Variants in DDX60 observed in about 807,000 individuals in gnomAD.
DDX60 encodes probable ATP-dependent RNA helicase DDX60.
In DDX60, 165 loss-of-function variants were observed where a neutral mutation model predicts 212.8. That is an observed-to-expected ratio of 0.78 (90% CI 0.68 to 0.88). The LOEUF is 0.88. DDX60 is among the 40% of genes least tolerant of loss of function. The pLI is 0.00. For synonymous variants in DDX60, 703 were observed against 685.3 expected (o/e 1.03, Z -0.40); for missense variants, 1,905 against 2,003.9 (o/e 0.95, Z 0.94).
intron 33 of DDX60, among the ~76,000 whole-genome samples, chr4:168,233,339 C>T (rs1733520884): frequency 6.6e-6 from 1 of 152,044 alleles, no homozygotes; most frequent in South Asian, 2.1e-4. Context: ...ACCATTTGAT[C>T]CAGCAATCCC....
upstream of DDX60, among the ~76,000 whole-genome samples, chr4:168,322,878 A>C (rs1737634181): frequency 1.3e-5 from 2 of 152,218 alleles, no homozygotes; most frequent in Non-Finnish European, 2.9e-5. Context: ...GCAATTACCA[A>C]AGGATGGGGG....
At chr4:168,252,440 A>G in intron 27 of DDX60, 69 bp downstream of exon 27, 4 of 1,572,174 alleles carry the variant, frequency 2.5e-6, no homozygotes, top group South Asian at 2.3e-5. Context: ...ATTAAGCATT[A>G]TCTACAACTA....
intron 1 of DDX60, among the ~76,000 whole-genome samples, chr4:168,311,894 T>C (rs529611902): frequency 6.6e-6 from 1 of 152,304 alleles, no homozygotes; most frequent in East Asian, 1.9e-4. Flanking sequence ...GCAGGTGGTA[T>C]TGTGATTGGC....
upstream of DDX60, among the ~76,000 whole-genome samples, chr4:168,319,437 A>G (rs1047505159): frequency 6.6e-6 from 1 of 152,226 alleles, no homozygotes; most frequent in Non-Finnish European, 1.5e-5. Flanking sequence ...AAAAAGAAAA[A>G]AGAAAGTATG....
chr4:168,284,413 C>T (rs1735729821), intron 12 of DDX60, among the ~76,000 whole-genome samples: 9 of 152,142 alleles, frequency 5.9e-5, no homozygotes, highest in Admixed American at 5.9e-4. Context: ...TCATGGGCCT[C>T]CTTCTGTAGT....
chr4:168,237,356 A>G lies in DDX60; in HGVS notation c.4341T>C (p.Pro1447=). ...GAAAACTGACAAAAACAAGATTAGA[A>G]GGTTCATGATAATGCAAATGTGATA... ...GLVSHLHYHE[P]SNLVFVSFLV... Residue 1447 remains proline (P), a synonymous_variant, in exon 32 of 38, where the codon CCT becomes CCC. Transcript: ENST00000393743. The G allele has an allele frequency of 6.3e-7, 1 of 1,598,198 alleles. No homozygotes were observed. Among genetic ancestry groups the G allele is most frequent in the South Asian group, 1.1e-5 (1 of 87,818 alleles).
chr4:168,274,534 C>T (rs1735245558), intron 16 of DDX60, among the ~76,000 whole-genome samples: 1 of 151,996 alleles, frequency 6.6e-6, no homozygotes, highest in Admixed American at 6.6e-5. Flanking sequence ...GTTGACTAGC[C>T]GAAGAATGAT....
chr4:168,225,761 T>C (rs1733231695), intron 33 of DDX60, 85 bp from the exon 34 acceptor site: 6 of 1,257,898 alleles, frequency 4.8e-6, no homozygotes, highest in Non-Finnish European at 4.4e-6. Flanking sequence ...GTAAAGAACA[T>C]TGCAATATAA....
At chr4:168,273,069 C>T (rs973425876) in intron 18 of DDX60, among the ~76,000 whole-genome samples, 3 of 152,144 alleles carry the variant, frequency 2.0e-5, no homozygotes, top group African/African-American at 7.2e-5. Context: ...ATCAGAAATC[C>T]AAAGGTCAGT....
At chr4:168,296,074 T>G in intron 6 of DDX60, among the ~76,000 whole-genome samples, 1 of 152,124 alleles carries the variant, frequency 6.6e-6, no homozygotes. Context: ...GGTTTTGAGA[T>G]CTATTATACA....
intron 28 of DDX60, among the ~76,000 whole-genome samples, chr4:168,248,761 ATT>A (rs371912102): frequency 2.0e-5 from 3 of 146,390 alleles, no homozygotes; most frequent in Admixed American, 6.8e-5. Flanking sequence ...GTGTTCAGTA[ATT>A]TTTTTTTTTT....
At chr4:168,317,493 G>A in intron 1 of DDX60, among the ~76,000 whole-genome samples, 1 of 152,090 alleles carries the variant, frequency 6.6e-6, no homozygotes, top group East Asian at 1.9e-4. Context: ...GCAAGGGAAG[G>A]GAAAGGAAAT....
intron 5 of DDX60, among the ~76,000 whole-genome samples, chr4:168,304,108 T>C (rs1736772881): frequency 6.6e-6 from 1 of 152,240 alleles, no homozygotes; most frequent in Non-Finnish European, 1.5e-5. Flanking sequence ...TATTATTATT[T>C]CAGAGTATAC....
chr4:168,248,274 T>C lies in DDX60; in HGVS notation c.3877A>G (p.Thr1293Ala). 6.2e-7 allele frequency: 1 copy of C among 1,604,968 alleles called. No homozygotes were observed. The highest frequency in any genetic ancestry group is 1.7e-5 in the Admixed American group (1 of 58,108). ...GYLRVVTATG[T>A]LALGVNMPCK... ...GGCATGTTGACACCTAAAGCAAGTGTTCCAGTAGCTGTCACCACCTTGAAA... is the reference window on the plus strand; with the variant it reads ...GGCATGTTGACACCTAAAGCAAGTGCTCCAGTAGCTGTCACCACCTTGAAA... Residue 1293 changes from threonine (T) to alanine (A), a missense_variant, in exon 29 of 38, where the codon ACA becomes GCA. Transcript: ENST00000393743.
upstream of DDX60, chr4:168,318,887 C>G (rs372095131): frequency 6.6e-6 from 1 of 152,220 alleles, no homozygotes; most frequent in African/African-American, 2.4e-5. Context: ...AGTTTAGCAT[C>G]CTTCCCTTCA....
chr4:168,280,285 A>T (rs1340301645), intron 14 of DDX60, 50 bp downstream of exon 14: 1 of 1,556,540 alleles, frequency 6.4e-7, no homozygotes. Context: ...TCATCATTAC[A>T]TTTGTATTAA....
At chr4:168,239,963 A>G (rs962444352) in intron 30 of DDX60, among the ~76,000 whole-genome samples, 1 of 152,172 alleles carries the variant, frequency 6.6e-6, no homozygotes, top group African/African-American at 2.4e-5. Context: ...CAGTATTGAA[A>G]GTTCTGGCCA....
At chr4:168,312,846 T>G (rs185938451) in intron 1 of DDX60, among the ~76,000 whole-genome samples, 1 of 152,164 alleles carries the variant, frequency 6.6e-6, no homozygotes, top group East Asian at 1.9e-4. Context: ...TGCAAGGAAG[T>G]ATATGACTGT....
chr4:168,245,530 T>C (rs1288690619), intron 30 of DDX60, among the ~76,000 whole-genome samples: 2 of 152,146 alleles, frequency 1.3e-5, no homozygotes, highest in East Asian at 3.9e-4. Flanking sequence ...CTCCTCTTTA[T>C]AGAGAGGTAA....
Sources: gnomAD v4.1 joint callset for allele counts (sites outside exome capture counted in the v4.1 genomes callset) on GRCh38, gnomAD v4.1.1 for gene constraint, MANE v1.5 for transcripts, NCBI Gene and HGNC (gene_info 2026-07-23, HGNC 2026-07-21) for gene names.